UBR3: variants seen among roughly 807,000 people sequenced by gnomAD.
UBR3 encodes the protein ubiquitin protein ligase E3 component n-recognin 3, also known as E3 ubiquitin-protein ligase UBR3.
A neutral mutation model predicts 243.2 loss-of-function variants in UBR3; 85 were observed. That is an observed-to-expected ratio of 0.35 (90% CI 0.29 to 0.42). UBR3 has a LOEUF of 0.42. Ranked by LOEUF, UBR3 falls within the 10% of genes least tolerant of loss-of-function variation. The pLI, the probability that UBR3 is intolerant of heterozygous loss-of-function variation, is 1.00. For synonymous variants in UBR3, 748 were observed against 799.8 expected (o/e 0.94, Z 1.09); for missense variants, 1,686 against 2,300.8 (o/e 0.73, Z 5.47).
intron 36 of UBR3, among the ~76,000 whole-genome samples, chr2:170,079,467 C>T (rs1574490903): frequency 6.6e-6 from 1 of 152,018 alleles, no homozygotes; most frequent in South Asian, 2.1e-4. Context: ...TTTTAAAAAC[C>T]TTTGCACTAT....
At chr2:170,014,092 T>G in intron 29 of UBR3, 1 of 289,496 alleles carries the variant, frequency 3.5e-6, no homozygotes, top group Middle Eastern at 4.2e-4. Context: ...ACGTTATCGG[T>G]GTTAAATTGC....
intron 23 of UBR3, among the ~76,000 whole-genome samples, chr2:169,956,517 G>C (rs1442867801): frequency 6.6e-6 from 1 of 152,022 alleles, no homozygotes; most frequent in Non-Finnish European, 1.5e-5. Flanking sequence ...TAAGTTGAGT[G>C]ATCAACCTGG....
At chr2:169,982,864 T>C (rs1178815348) in intron 24 of UBR3, among the ~76,000 whole-genome samples, 1 of 152,218 alleles carries the variant, frequency 6.6e-6, no homozygotes, top group Non-Finnish European at 1.5e-5. Flanking sequence ...ATGAGAAGAC[T>C]CAGTGGTTCT....
At chr2:170,079,715 GAGGCAGA>G in intron 36 of UBR3, 92 bp from the exon 37 acceptor site, 1 of 1,069,670 alleles carries the variant, frequency 9.3e-7, no homozygotes, top group Non-Finnish European at 1.3e-6. Context: ...CACATTCTTG[GAGGCAGA>G]TTTTTCTTTC....
intron 35 of UBR3, among the ~76,000 whole-genome samples, chr2:170,071,312 A>G (rs1323491343): frequency 2.0e-5 from 3 of 152,212 alleles, no homozygotes; most frequent in Admixed American, 6.5e-5. Flanking sequence ...ATCTGGAAAC[A>G]ACCATCAACA....
At chr2:170,049,668 GT>G (rs1314053792) in intron 32 of UBR3, among the ~76,000 whole-genome samples, 1 of 152,142 alleles carries the variant, frequency 6.6e-6, no homozygotes, top group Non-Finnish European at 1.5e-5. Flanking sequence ...TTTACCTTGT[GT>G]TGCCCTTTCT....
At chr2:169,956,807 T>G (rs1028078929) in intron 23 of UBR3, among the ~76,000 whole-genome samples, 1 of 152,224 alleles carries the variant, frequency 6.6e-6, no homozygotes, top group Non-Finnish European at 1.5e-5. Flanking sequence ...TTGTATGTTA[T>G]ATCCTTGAAT....
chr2:170,008,903 CCAGA>C lies in UBR3; in HGVS notation c.4333_4336del (p.Asp1445MetfsTer14). 1 of 1,597,986 alleles carries C rather than the reference CCAGA, an allele frequency of 6.3e-7. No homozygotes were observed. The highest frequency in any genetic ancestry group is 8.5e-7 in the Non-Finnish European group (1 of 1,173,720). ...AGACTATAGCAAGACCCCGGGCTCA[CCAGA>C]CAATGATTTTCTCTTTATGTACTCT... On this transcript the variant is annotated frameshift_variant, in exon 29 of 39. Transcript: ENST00000272793. LOFTEE classifies it high-confidence loss of function.
intron 24 of UBR3, among the ~76,000 whole-genome samples, chr2:169,979,415 A>T (rs1355764847): frequency 6.6e-6 from 1 of 152,234 alleles, no homozygotes; most frequent in Non-Finnish European, 1.5e-5. Context: ...TTAACTGATT[A>T]AAAAACTTAT....
intron 27 of UBR3, 126 bp from the exon 28 acceptor site, chr2:170,006,864 C>T: frequency 2.5e-6 from 2 of 789,012 alleles, no homozygotes; most frequent in Non-Finnish European, 3.9e-6. Flanking sequence ...TTGTTTATTT[C>T]TTTATGACAT....
intron 19 of UBR3, among the ~76,000 whole-genome samples, chr2:169,933,274 A>T (rs1315883754): frequency 3.3e-5 from 5 of 152,208 alleles, no homozygotes; most frequent in African/African-American, 4.8e-5. Context: ...CATCAGTGGA[A>T]TTAAAGGCTT....
chr2:169,900,010 C>T (rs2084754492), intron 8 of UBR3, among the ~76,000 whole-genome samples: 1 of 152,042 alleles, frequency 6.6e-6, no homozygotes, highest in Non-Finnish European at 1.5e-5. Flanking sequence ...GGGTATATAC[C>T]CAGTAAAGGG....
At chr2:169,943,648 T>A (rs561092321) in intron 20 of UBR3, among the ~76,000 whole-genome samples, 90 of 152,208 alleles carry the variant, frequency 5.9e-4, no homozygotes, top group African/African-American at 2.0e-3. Flanking sequence ...TATACTCATG[T>A]AGATAATATA....
chr2:169,964,389 C>A (rs1318845813), intron 24 of UBR3: 1 of 468,908 alleles, frequency 2.1e-6, no homozygotes. Flanking sequence ...TTTCCACTCA[C>A]AAGTGAGACA....
intron 2 of UBR3, among the ~76,000 whole-genome samples, chr2:169,875,256 A>G (rs923510263): frequency 6.6e-6 from 1 of 152,130 alleles, no homozygotes; most frequent in African/African-American, 2.4e-5. Flanking sequence ...CTTAAATACT[A>G]TCTTTTTTTG....
chr2:169,965,047 T>G (rs2087744716), intron 24 of UBR3: 1 of 449,224 alleles, frequency 2.2e-6, no homozygotes, highest in Non-Finnish European at 4.5e-6. Context: ...ATCACACTGA[T>G]TCTGTATTCC....
At chr2:169,873,060 T>C (rs1360773440) in intron 2 of UBR3, among the ~76,000 whole-genome samples, 1 of 152,064 alleles carries the variant, frequency 6.6e-6, no homozygotes, top group Non-Finnish European at 1.5e-5. Context: ...TTATTAACTT[T>C]TTATGATGTT....
chr2:169,939,434 A>T (rs1401026972), intron 19 of UBR3, among the ~76,000 whole-genome samples: 5 of 141,558 alleles, frequency 3.5e-5, no homozygotes, highest in Admixed American at 7.0e-5. Context: ...AATTTTTTGT[A>T]TTTTTTTTTT....
intron 1 of UBR3, among the ~76,000 whole-genome samples, chr2:169,858,458 T>A (rs1245523691): frequency 6.6e-6 from 1 of 152,098 alleles, no homozygotes; most frequent in African/African-American, 2.4e-5. Flanking sequence ...GCTGGGACTG[T>A]AGGTATGTGC....
Sources: allele counts gnomAD v4.1 joint callset (sites outside exome capture counted in the v4.1 genomes callset), GRCh38; gene constraint gnomAD v4.1.1; transcripts MANE v1.5; gene names NCBI Gene and HGNC (gene_info 2026-07-23, HGNC 2026-07-21).